Variants in PCDH9 observed in about 807,000 individuals in gnomAD.
PCDH9 encodes the protein protocadherin 9, also known as protocadherin-9.
PCDH9 carries 24 observed loss-of-function variants against 70.6 expected under a neutral mutation model. The observed-to-expected ratio is 0.34, with a 90% CI of 0.25 to 0.48. PCDH9 has a LOEUF of 0.48. Ranked by LOEUF, PCDH9 falls within the 20% of genes least tolerant of loss-of-function variation. PCDH9 has a pLI of 0.99. For missense variants in PCDH9, 1,281 were observed against 1,503.6 expected (o/e 0.85, Z 2.45); for synonymous variants, 562 against 558.5 (o/e 1.01, Z -0.09).
chr13:66,787,142 C>T (rs1594060810), intron 3 of PCDH9, among the ~76,000 whole-genome samples: 1 of 152,222 alleles, frequency 6.6e-6, no homozygotes, highest in East Asian at 1.9e-4. Context: ...TGCAGTTAAT[C>T]ACAAGACCCT....
At chr13:66,754,405 C>G (rs1419932829) in intron 3 of PCDH9, among the ~76,000 whole-genome samples, 2 of 151,098 alleles carry the variant, frequency 1.3e-5, no homozygotes, top group Non-Finnish European at 2.9e-5. Flanking sequence ...TAACATAAAA[C>G]AAAATAAAAC....
intron 3 of PCDH9, among the ~76,000 whole-genome samples, chr13:66,850,936 C>T (rs80054745): frequency 1.3e-3 from 201 of 152,260 alleles, no homozygotes; most frequent in African/African-American, 4.7e-3. Flanking sequence ...TACTTACAGA[C>T]AAGCTAGTCT....
chr13:66,670,400 A>T (rs562389621), intron 3 of PCDH9, among the ~76,000 whole-genome samples: 1 of 152,318 alleles, frequency 6.6e-6, no homozygotes, highest in South Asian at 2.1e-4. Context: ...GTATTTAGTC[A>T]ATATATGATG....
intron 3 of PCDH9, among the ~76,000 whole-genome samples, chr13:66,812,655 T>C (rs143524867): frequency 6.6e-6 from 1 of 152,330 alleles, no homozygotes; most frequent in African/African-American, 2.4e-5. Context: ...GGCAGAGTAC[T>C]ACATCTAGGT....
chr13:67,225,964 A>G lies in PCDH9; in HGVS notation c.2477T>C (p.Val826Ala). The G allele has an allele frequency of 1.2e-6, 2 of 1,614,058 alleles. No individual in the cohort carries two copies. The highest frequency in any genetic ancestry group is 1.7e-6 in the Non-Finnish European group (2 of 1,180,004). ...AACGGTGACGAAGATCACAACAATG[A>G]CCACCATGGCACCGGCGATGATGGC... The part of the protein sequence containing the change: ...MIAIIAGAMV[V>A]IVVIFVTVLV... Residue 826 changes from valine (V) to alanine (A), a missense_variant, in exon 2 of 5, where the codon GTC (valine) becomes GCC (alanine). Physicochemically the swap from Val to Ala is moderately conservative, Grantham distance 64 (BLOSUM62 0). Coordinates refer to ENST00000377865, the MANE Select transcript of PCDH9 (RefSeq NM_203487.3).
intron 2 of PCDH9, among the ~76,000 whole-genome samples, chr13:67,005,315 A>G (rs1018631393): frequency 1.3e-5 from 2 of 152,058 alleles, no homozygotes; most frequent in African/African-American, 4.8e-5. Flanking sequence ...TTCTTTTACT[A>G]TTTGAGTTCG....
At chr13:67,125,826 T>C (rs9564369) in intron 2 of PCDH9, among the ~76,000 whole-genome samples, 62,517 of 144,450 alleles carry the variant, frequency 0.43, 13,543 homozygotes, top group Admixed American at 0.52. Context: ...AATTTAAAAA[T>C]GTGTGTATAT....
At chr13:66,617,976 G>GAAACTCTAGCCAGCCTGCGC (rs1407559691) in intron 4 of PCDH9, among the ~76,000 whole-genome samples, 1 of 152,260 alleles carries the variant, frequency 6.6e-6, no homozygotes, top group Non-Finnish European at 1.5e-5. Flanking sequence ...GGTCCCTGGG[G>GAAACTCTAGCCAGCCTGCGC]AAACTCTAGC....
Position 66,903,506 on chromosome 13 carries a change from C to G in PCDH9, c.3136G>C (p.Glu1046Gln). Residue 1046 changes from glutamate to glutamine, a missense_variant and splice_region_variant, in exon 3 of 5, where the codon GAG becomes CAG. Glu to Gln is a conservative substitution (Grantham distance 29). Around this residue, in one of 4 missense-constraint regions of PCDH9, gnomAD observed 264 missense variants for 278.8 expected, o/e 0.95. Coordinates refer to ENST00000377865, the MANE Select transcript of PCDH9 (RefSeq NM_203487.3). ...TTCTCTATAGATATATGGCATACCT[C>G]GTAATGGCTTTCTTCATTCTCCTGA... ...HIQENEESHYESQRRVTFHLP... is the reference protein window; with the variant it reads ...HIQENEESHYQSQRRVTFHLP... The G allele has an allele frequency of 7.2e-7, 1 of 1,397,234 alleles. No homozygotes were observed. The highest frequency in any genetic ancestry group is 1.0e-6 in the Non-Finnish European group (1 of 984,830). The allele number at this position is 1,397,234 out of a possible 1,614,324, so 86.6% of individuals were successfully genotyped here.
intron 4 of PCDH9, among the ~76,000 whole-genome samples, chr13:66,570,544 G>C (rs2076719676): frequency 6.6e-6 from 1 of 152,114 alleles, no homozygotes; most frequent in South Asian, 2.1e-4. Flanking sequence ...ACTAGGAAAA[G>C]TGGACTAGGG....
chr13:67,200,855 C>T (rs993658043), intron 2 of PCDH9, among the ~76,000 whole-genome samples: 3 of 152,014 alleles, frequency 2.0e-5, no homozygotes, highest in Non-Finnish European at 2.9e-5. Flanking sequence ...CTTAGGAGAA[C>T]GACCTCCTAT....
intron 3 of PCDH9, among the ~76,000 whole-genome samples, chr13:66,641,696 T>C (rs1261682065): frequency 6.6e-6 from 1 of 152,112 alleles, no homozygotes; most frequent in Non-Finnish European, 1.5e-5. Flanking sequence ...GACTTATTAA[T>C]GCATGATATG....
chr13:67,065,272 A>G (rs764375189), intron 2 of PCDH9, among the ~76,000 whole-genome samples: 4 of 152,102 alleles, frequency 2.6e-5, no homozygotes, highest in Non-Finnish European at 5.9e-5. Flanking sequence ...TAAAGAGCAC[A>G]CTCTAAGAGC....
chr13:66,318,109 C>T (rs368996027), intron 4 of PCDH9, among the ~76,000 whole-genome samples: 6 of 152,086 alleles, frequency 3.9e-5, no homozygotes, highest in Admixed American at 1.3e-4. Flanking sequence ...AGGAGGATTA[C>T]GTTTTCCAAT....
At chr13:66,567,238 CT>C (rs2076666196) in intron 4 of PCDH9, among the ~76,000 whole-genome samples, 1 of 152,100 alleles carries the variant, frequency 6.6e-6, no homozygotes, top group Non-Finnish European at 1.5e-5. Flanking sequence ...TACCTATCTG[CT>C]TTTTTCCCAA....
At chr13:67,109,975 G>C (rs1339898697) in intron 2 of PCDH9, among the ~76,000 whole-genome samples, 1 of 151,952 alleles carries the variant, frequency 6.6e-6, no homozygotes, top group Non-Finnish European at 1.5e-5. Context: ...CACTTATTTT[G>C]TGTACTAAAT....
At chr13:66,519,691 C>A (rs1959901831) in intron 4 of PCDH9, among the ~76,000 whole-genome samples, 1 of 152,098 alleles carries the variant, frequency 6.6e-6, no homozygotes, top group Non-Finnish European at 1.5e-5. Context: ...AGGTTATGAT[C>A]CTGATACGAT....
At chr13:67,062,395 A>G (rs2085556355) in intron 2 of PCDH9, among the ~76,000 whole-genome samples, 1 of 152,306 alleles carries the variant, frequency 6.6e-6, no homozygotes, top group African/African-American at 2.4e-5. Context: ...GTAGTTCCCA[A>G]GAATGGTAAG....
intron 3 of PCDH9, among the ~76,000 whole-genome samples, chr13:66,838,240 CTTT>C (rs2081056394): frequency 6.6e-6 from 1 of 151,990 alleles, no homozygotes; most frequent in South Asian, 2.1e-4. Flanking sequence ...TGAAAGGTCT[CTTT>C]GGGTACACTG....
Sources: gnomAD v4.1 joint callset for allele counts (sites outside exome capture counted in the v4.1 genomes callset) on GRCh38, gnomAD v4.1.1 for gene constraint, gnomAD v4.1.1 regional missense constraint, MANE v1.5 for transcripts, NCBI Gene and HGNC (gene_info 2026-07-23, HGNC 2026-07-21) for gene names.